Variants in RIMS1 observed in about 807,000 individuals in gnomAD.
RIMS1 encodes regulating synaptic membrane exocytosis protein 1.
Under a neutral mutation model 214.1 loss-of-function variants are expected in RIMS1, and 83 were observed. The observed-to-expected ratio is 0.39, with a 90% confidence interval of 0.32 to 0.47. RIMS1 has a LOEUF of 0.47. Among genes scored for constraint, RIMS1 ranks in the 20% least tolerant of loss-of-function variants. RIMS1 has a pLI of 0.99. For synonymous variants in RIMS1, 793 were observed against 786.8 expected, an observed-to-expected ratio of 1.01 and a Z score of -0.13; for missense variants, 2,050 against 2,161.8, an observed-to-expected ratio of 0.95 and a Z score of 1.03.
At chr6:72,346,158 A>G (rs1351805133) in intron 29 of RIMS1, among the ~76,000 whole-genome samples, 8 of 151,816 alleles carry the variant, frequency 5.3e-5, no homozygotes, top group Non-Finnish European at 8.8e-5. Flanking sequence ...GTTTTAAACA[A>G]TTTAGCAAAG....
intron 6 of RIMS1, among the ~76,000 whole-genome samples, chr6:72,213,700 T>A (rs949188095): frequency 3.3e-5 from 5 of 152,216 alleles, no homozygotes; most frequent in East Asian, 1.9e-4. Flanking sequence ...GTCACTTTTT[T>A]AAAATAATGG....
intron 31 of RIMS1, among the ~76,000 whole-genome samples, chr6:72,393,594 G>C (rs749549410): frequency 7.2e-5 from 11 of 152,016 alleles, no homozygotes; most frequent in Non-Finnish European, 1.5e-4. Flanking sequence ...GGGCATAGTG[G>C]TGGGCACCTG....
intron 28 of RIMS1, among the ~76,000 whole-genome samples, chr6:72,315,143 A>G (rs542348984): frequency 1.1e-4 from 17 of 152,326 alleles, no homozygotes; most frequent in African/African-American, 3.8e-4. Context: ...TTAGTAGTGT[A>G]TTGGAACCAG....
chr6:71,967,182 A>G (rs1331471037), intron 1 of RIMS1, among the ~76,000 whole-genome samples: 1 of 152,100 alleles, frequency 6.6e-6, no homozygotes, highest in Non-Finnish European at 1.5e-5. Context: ...AGGTCAGGAG[A>G]TCGAGACCAT....
At chr6:72,243,968 C>CTT (rs1220455350) in intron 10 of RIMS1, among the ~76,000 whole-genome samples, 3 of 141,342 alleles carry the variant, frequency 2.1e-5, no homozygotes, top group South Asian at 2.2e-4. Flanking sequence ...ATTTTAGCTG[C>CTT]TTTTTTTTTT....
At chr6:72,302,182 C>T (rs900270899) in intron 26 of RIMS1, among the ~76,000 whole-genome samples, 1 of 151,464 alleles carries the variant, frequency 6.6e-6, no homozygotes, top group African/African-American at 2.4e-5. Context: ...GGATCTAGGA[C>T]TGTAATCTAT....
At chr6:72,264,513 T>C (rs1411745326) in intron 19 of RIMS1, among the ~76,000 whole-genome samples, 2 of 152,178 alleles carry the variant, frequency 1.3e-5, no homozygotes, top group Admixed American at 1.3e-4. Context: ...TCTGGTACTA[T>C]GACCAGCTTT....
chr6:72,367,615 A>G (rs1475067352), intron 29 of RIMS1, among the ~76,000 whole-genome samples: 1 of 152,172 alleles, frequency 6.6e-6, no homozygotes, highest in East Asian at 1.9e-4. Context: ...TGATACTCTG[A>G]TGTCACAAAC....
At chr6:72,120,064 T>C (rs1189222798) in intron 4 of RIMS1, among the ~76,000 whole-genome samples, 1 of 151,884 alleles carries the variant, frequency 6.6e-6, no homozygotes, top group Non-Finnish European at 1.5e-5. Context: ...TGATGGACAT[T>C]TGGGTCGGTT....
At chr6:72,255,272 C>T (rs770121639) in intron 16 of RIMS1, among the ~76,000 whole-genome samples, 9 of 152,120 alleles carry the variant, frequency 5.9e-5, no homozygotes, top group African/African-American at 1.2e-4. Context: ...TTTGCGTCTA[C>T]GTTTCCTAGC....
At chr6:71,951,118 A>G (rs1789365834) in intron 1 of RIMS1, among the ~76,000 whole-genome samples, 2 of 152,236 alleles carry the variant, frequency 1.3e-5, no homozygotes, top group Admixed American at 1.3e-4. Flanking sequence ...AAATAAGCAC[A>G]TATGGAGGTT....
At chr6:72,022,517 A>G (rs988742674) in intron 2 of RIMS1, among the ~76,000 whole-genome samples, 5 of 152,218 alleles carry the variant, frequency 3.3e-5, no homozygotes, top group African/African-American at 1.2e-4. Context: ...AAAATATTCA[A>G]TACCTTAGTG....
chr6:71,940,823 T>C (rs964018815), intron 1 of RIMS1, among the ~76,000 whole-genome samples: 1 of 152,166 alleles, frequency 6.6e-6, no homozygotes, highest in Non-Finnish European at 1.5e-5. Flanking sequence ...CTGTTAAGAT[T>C]ACATTTCAAA....
intron 1 of RIMS1, among the ~76,000 whole-genome samples, chr6:71,890,017 T>G (rs1769128669): frequency 6.6e-6 from 1 of 152,168 alleles, no homozygotes; most frequent in Non-Finnish European, 1.5e-5. Flanking sequence ...TTTCACAATG[T>G]ATAAAAATAG....
intron 2 of RIMS1, among the ~76,000 whole-genome samples, chr6:72,058,201 C>T (rs965677295): frequency 2.0e-5 from 3 of 152,178 alleles, no homozygotes; most frequent in Non-Finnish European, 2.9e-5. Flanking sequence ...TGACCTTGAC[C>T]TTTATTCCCA....
intron 4 of RIMS1, among the ~76,000 whole-genome samples, chr6:72,140,341 A>G (rs971568789): frequency 6.6e-6 from 1 of 152,136 alleles, no homozygotes; most frequent in Non-Finnish European, 1.5e-5. Context: ...CAGAAATTAT[A>G]TTGGTAACAT....
chr6:72,194,227 A>G (rs1171211601), intron 6 of RIMS1, among the ~76,000 whole-genome samples: 1 of 152,158 alleles, frequency 6.6e-6, no homozygotes, highest in East Asian at 1.9e-4. Context: ...TTCTTCACAG[A>G]ATTAGATTTG....
intron 2 of RIMS1, among the ~76,000 whole-genome samples, chr6:72,095,298 A>T (rs1004240167): frequency 5.9e-5 from 9 of 152,008 alleles, no homozygotes; most frequent in African/African-American, 2.2e-4. Flanking sequence ...GGAAGAAGTA[A>T]GATTGCCGGT....
chr6:72,234,133 A>T (rs1160727046), intron 7 of RIMS1, among the ~76,000 whole-genome samples: 1 of 151,984 alleles, frequency 6.6e-6, no homozygotes, highest in Non-Finnish European at 1.5e-5. Context: ...ATGTAAGCAG[A>T]TATATTTTTA....
Sources: gnomAD v4.1 joint callset for allele counts (sites outside exome capture counted in the v4.1 genomes callset) on GRCh38, gnomAD v4.1.1 for gene constraint, MANE v1.5 for transcripts, NCBI Gene and HGNC (gene_info 2026-07-23, HGNC 2026-07-21) for gene names.